The following CRLF3 variants were observed in gnomAD, a reference collection of about 807,000 sequenced individuals.
CRLF3 encodes the protein cytokine receptor-like factor 3.
CRLF3 carries 33 observed loss-of-function variants against 55.0 expected under a neutral mutation model. The ratio of observed to expected loss-of-function variants is 0.60; its 90% CI spans 0.46 to 0.80. The LOEUF (loss-of-function observed/expected upper bound fraction) is 0.80, where lower values mean the gene tolerates loss of function less well. Among genes scored for constraint, CRLF3 ranks in the 30% least tolerant of loss-of-function variants. The pLI is 0.00. For missense variants in CRLF3, 494 were observed against 538.4 expected, an observed-to-expected ratio of 0.92 and a Z score of 0.82; for synonymous variants, 238 against 196.8, an observed-to-expected ratio of 1.21 and a Z score of -1.75.
At chr17:30,806,046 TACAA>T (rs370808061) in intron 1 of CRLF3, among the ~76,000 whole-genome samples, 21 of 151,684 alleles carry the variant, frequency 1.4e-4, no homozygotes, top group East Asian at 3.9e-4. Context: ...AAAGCCACAA[TACAA>T]ACAAACAAAC....
At chr17:30,804,457 C>A (rs370520109) in intron 1 of CRLF3, among the ~76,000 whole-genome samples, 317 of 152,314 alleles carry the variant, frequency 2.1e-3, no homozygotes, top group African/African-American at 6.3e-3. Context: ...TATTAAATAA[C>A]TGAAACTCTG....
chr17:30,820,700 G>C lies in CRLF3; in HGVS notation c.129+3823C>G, dbSNP rs1375329724. Among the ~76,000 whole-genome samples, 5 of 152,034 alleles carry C rather than the reference G, an allele frequency of 3.3e-5. No individual in the cohort carries two copies. The East Asian group carries it at 7.7e-4, about 24-fold the overall frequency. ...CTGGCTATTCGGGAGGCTGAGGCAG[G>C]AGAATCTCTTGAACCCAAGAGGCGG... On this transcript the variant is annotated intron_variant, in intron 1 of 7. Transcript: ENST00000324238.
chr17:30,787,212 G>A (rs1234526420), intron 6 of CRLF3, among the ~76,000 whole-genome samples: 1 of 152,176 alleles, frequency 6.6e-6, no homozygotes, highest in African/African-American at 2.4e-5. Flanking sequence ...CACATAGAAG[G>A]TTTGTCATAG....
intron 1 of CRLF3, among the ~76,000 whole-genome samples, chr17:30,816,009 C>T (rs112944916): frequency 0.25 from 37,617 of 148,938 alleles, 5,795 homozygotes; most frequent in Non-Finnish European, 0.35. Context: ...GTAGGCCGGG[C>T]ATGGTGGCTC....
chr17:30,788,625 T>TTTTTTTTG, intron 6 of CRLF3, among the ~76,000 whole-genome samples: 1 of 124,844 alleles, frequency 8.0e-6, no homozygotes, highest in Non-Finnish European at 1.7e-5. Flanking sequence ...TTTTTTTTTT[T>TTTTTTTTG]GAGACAGCAT....
chr17:30,789,734 A>G (rs1201375016), intron 6 of CRLF3, among the ~76,000 whole-genome samples: 1 of 152,226 alleles, frequency 6.6e-6, no homozygotes, highest in African/African-American at 2.4e-5. Context: ...AATACTTAAG[A>G]CAGTACATGG....
At chr17:30,787,659 T>C (rs956085072) in intron 6 of CRLF3, 3 of 152,168 alleles carry the variant, frequency 2.0e-5, no homozygotes, top group Non-Finnish European at 4.4e-5. Flanking sequence ...TCATAATATT[T>C]GGGTAGGTTT....
At chr17:30,805,881 G>A (rs1904384556) in intron 1 of CRLF3, among the ~76,000 whole-genome samples, 1 of 151,624 alleles carries the variant, frequency 6.6e-6, no homozygotes, top group Non-Finnish European at 1.5e-5. Context: ...AAATTAGCCG[G>A]GCATGGTGGC....
chr17:30,795,496 C>CAAA (rs540173272), intron 4 of CRLF3, among the ~76,000 whole-genome samples: 1 of 100,538 alleles, frequency 9.9e-6, no homozygotes, highest in Non-Finnish European at 2.1e-5. Flanking sequence ...AACTCTGTCT[C>CAAA]AAAAAAAAAA....
chr17:30,817,904 CAAAAAAAAAAAAA>C (rs924297403), intron 1 of CRLF3, among the ~76,000 whole-genome samples: 1 of 61,322 alleles, frequency 1.6e-5, no homozygotes, highest in African/African-American at 6.6e-5. Flanking sequence ...GACTCCATCC[CAAAAAAAAAAAAA>C]AAAAAAAAAA....
At chr17:30,817,203 C>T (rs1001271543) in intron 1 of CRLF3, among the ~76,000 whole-genome samples, 4 of 152,076 alleles carry the variant, frequency 2.6e-5, no homozygotes, top group African/African-American at 4.8e-5. Context: ...TTTTTGAGGC[C>T]GAGGTGGGTG....
At chr17:30,823,253 T>G (rs1375128229) in intron 1 of CRLF3, among the ~76,000 whole-genome samples, 1 of 151,652 alleles carries the variant, frequency 6.6e-6, no homozygotes, top group Non-Finnish European at 1.5e-5. Flanking sequence ...TCCCAGCTAC[T>G]CAGGAGGCTG....
chr17:30,791,992 A>G (rs1971812343), intron 6 of CRLF3, among the ~76,000 whole-genome samples: 1 of 151,986 alleles, frequency 6.6e-6, no homozygotes, highest in Non-Finnish European at 1.5e-5. Context: ...GATTGCAGGC[A>G]TATGTGCCAC....
intron 6 of CRLF3, among the ~76,000 whole-genome samples, chr17:30,791,522 T>A (rs181937995): frequency 0.018 from 2,428 of 138,556 alleles, 52 homozygotes; most frequent in African/African-American, 0.06. Flanking sequence ...GCCTCTAAAA[T>A]TTTTTTTTTT....
intron 6 of CRLF3, chr17:30,790,651 C>G (rs533083257): frequency 8.1e-6 from 1 of 122,860 alleles, no homozygotes; most frequent in Non-Finnish European, 1.6e-5. Context: ...GAATCTTGCA[C>G]TGTCTCCCAG....
rs1419253188 is a variant in CRLF3 at position 30,782,808 on chromosome 17, G to C, written c.*1379C>G. ...TATATATAAAAAGACAAGTAGAAAA[G>C]GTCATGATTGTCTAACAGGGAACAT... On this transcript the variant is annotated 3_prime_UTR_variant, in exon 8 of 8. Transcript: ENST00000324238. 6.6e-6 allele frequency: 1 copy of C among 151,914 alleles called. No individual in the cohort carries two copies. The highest frequency in any genetic ancestry group is 1.5e-5 in the Non-Finnish European group (1 of 67,984). The allele number at this position is 151,914 out of a possible 1,614,324, so 9.4% of individuals were successfully genotyped here.
Position 30,783,671 on chromosome 17 carries a change from GGGATAAA to G in CRLF3, c.*509_*515del, listed in dbSNP as rs1971558440. 6.6e-6 allele frequency: 1 copy of G among 152,268 alleles called. No individual in the cohort carries two copies. The highest frequency in any genetic ancestry group is 2.4e-5 in the African/African-American group (1 of 41,384). The allele number at this position is 152,268 out of a possible 1,614,324, so 9.4% of individuals were successfully genotyped here. A position where few individuals can be genotyped will look rare whatever the true frequency, so the allele number is the denominator to read the frequency against. The stretch of plus-strand genomic sequence containing the variant: ...TGGGGACTTAAAGATTACTGAAGAG[GGGATAAA>G]AGTCAACACTGCTTACAAATACCTG... On this transcript the variant is annotated 3_prime_UTR_variant, in exon 8 of 8. Coordinates refer to ENST00000324238, the MANE Select transcript of CRLF3 (RefSeq NM_015986.4).
intron 6 of CRLF3, among the ~76,000 whole-genome samples, chr17:30,791,544 G>C (rs565732421): frequency 1.4e-5 from 2 of 143,120 alleles, no homozygotes; most frequent in Non-Finnish European, 1.5e-5. Flanking sequence ...TTGAAACGGA[G>C]TCTTGCTGTG....
At chr17:30,809,929 G>A (rs1904558445) in intron 1 of CRLF3, 2 of 152,278 alleles carry the variant, frequency 1.3e-5, no homozygotes, top group South Asian at 4.1e-4. Context: ...GAGATTACAA[G>A]TGTGAGCCAC....
Sources: allele counts gnomAD v4.1 joint callset (sites outside exome capture counted in the v4.1 genomes callset), GRCh38; gene constraint gnomAD v4.1.1; transcripts MANE v1.5; gene names NCBI Gene and HGNC (gene_info 2026-07-23, HGNC 2026-07-21).